Variants in PIEZO2 observed in about 807,000 individuals in gnomAD.
The protein encoded by PIEZO2 is piezo type mechanosensitive ion channel component 2, also known as piezo-type mechanosensitive ion channel component 2.
A neutral mutation model predicts 337.3 loss-of-function variants in PIEZO2; 172 were observed. The observed-to-expected ratio is 0.51, with a 90% confidence interval of 0.45 to 0.58. PIEZO2 has a LOEUF of 0.58. Ranked by LOEUF, PIEZO2 falls within the 20% of genes least tolerant of loss-of-function variation. The pLI is 0.00. For missense variants in PIEZO2, 3,028 were observed against 3,391.3 expected (o/e 0.89, Z 2.66); for synonymous variants, 1,251 against 1,228.5 (o/e 1.02, Z -0.38).
rs2037831928 is a variant in PIEZO2 at position 11,058,938 on chromosome 18, C to G, written c.160+7189G>C. On this transcript the variant is annotated intron_variant, in intron 2 of 55. Transcript: ENST00000674853. ...AAGATACTTCTCGAGAAGAGCAACT[C>G]CAAGACACATCATTGTCAGATTCAC... Among the ~76,000 whole-genome samples, 3 of 152,074 alleles carry G rather than the reference C, an allele frequency of 2.0e-5. No homozygotes were observed. In the South Asian group the frequency reaches 6.2e-4, roughly 32 times the overall value.
chr18:10,914,873 A>G (rs10502402), intron 3 of PIEZO2, among the ~76,000 whole-genome samples: 47,983 of 126,424 alleles, frequency 0.38, 6,685 homozygotes, highest in Admixed American at 0.41. Flanking sequence ...AGCAGGTCCC[A>G]ATGTCTACCA....
rs543756526 is a variant in PIEZO2, at chr18:10,816,131, T to C, written c.918-8857A>G. On this transcript the variant is annotated intron_variant, in intron 7 of 55. Transcript: ENST00000674853. The stretch of plus-strand genomic sequence containing the variant: ...CCTCGGCTCTTCACTGGGAGGAGCT[T>C]CCTTGTCAATTGTCTTTCTCAACCT... 7.2e-4 allele frequency among the ~76,000 whole-genome samples: 110 copies of C among 152,308 alleles called. 1 individual carries two copies. Among genetic ancestry groups the C allele is most frequent in the African/African-American group, 2.6e-3 (108 of 41,570 alleles).
rs1598490948 is a variant in PIEZO2 at position 10,795,430 on chromosome 18, G to T, written c.1528-428C>A. Among the ~76,000 whole-genome samples the T allele has an allele frequency of 6.8e-6, 1 of 146,946 alleles. No individual in the cohort carries two copies. Among genetic ancestry groups the T allele is most frequent in the East Asian group, 2.0e-4 (1 of 5,052 alleles). ...TTTTATTCAGCTCTATTGCTTTAAAGAAAAGACCAAACTTATCTGGCTTAG... is the reference window on the plus strand; with the variant it reads ...TTTTATTCAGCTCTATTGCTTTAAATAAAAGACCAAACTTATCTGGCTTAG... On this transcript the variant is annotated intron_variant, in intron 12 of 55. Coordinates refer to ENST00000674853, the MANE Select transcript of PIEZO2 (RefSeq NM_001378183.1). This position sits in a 1 kb window ranked among gnomAD's most constrained non-coding sequence, Gnocchi z 4.4.
intron 49 of PIEZO2, among the ~76,000 whole-genome samples, chr18:10,683,299 GC>G (rs2034359269): frequency 6.6e-6 from 1 of 152,254 alleles, no homozygotes; most frequent in African/African-American, 2.4e-5. Flanking sequence ...GACTACAGTG[GC>G]TTTTACAAGC....
At chr18:10,972,372 A>G (rs1452352035) in intron 3 of PIEZO2, among the ~76,000 whole-genome samples, 1 of 152,168 alleles carries the variant, frequency 6.6e-6, no homozygotes, top group Non-Finnish European at 1.5e-5. Context: ...TCATGGGAGC[A>G]GATGACAAGC....
chr18:10,697,961 G>A (rs951529900), intron 44 of PIEZO2, 81 bp from the exon 45 acceptor site: 2 of 1,502,186 alleles, frequency 1.3e-6, no homozygotes, highest in Non-Finnish European at 1.8e-6. Context: ...AGAACCCAGA[G>A]CCCACATGGT....
chr18:10,754,310 C>G (rs1027282350), intron 27 of PIEZO2, among the ~76,000 whole-genome samples: 4 of 152,234 alleles, frequency 2.6e-5, no homozygotes, highest in Admixed American at 2.6e-4. Flanking sequence ...GCTCTGGCCA[C>G]TTTCCAGAGA....
intron 3 of PIEZO2, among the ~76,000 whole-genome samples, chr18:10,932,739 A>G (rs1366137377): frequency 6.6e-6 from 1 of 152,064 alleles, no homozygotes; most frequent in Non-Finnish European, 1.5e-5. Context: ...CTTGGGCAAC[A>G]TAGGGAGACC....
rs1237770430 is a variant in PIEZO2, at chr18:11,104,829, G to C, written c.65-38607C>G. ...GGGACCACTCTCCTCCATCATGCTT[G>C]ATATGGTCCAGGAGTGGTTGAACCA... On this transcript the variant is annotated intron_variant, in intron 1 of 55. Coordinates refer to ENST00000674853, the MANE Select transcript of PIEZO2 (RefSeq NM_001378183.1). The surrounding 1 kb of genome is among the most constrained non-coding windows in gnomAD (Gnocchi z 4.6). Among the ~76,000 whole-genome samples, 1 of 152,158 alleles carries C rather than the reference G, an allele frequency of 6.6e-6. No individual in the cohort carries two copies. The highest frequency in any genetic ancestry group is 2.4e-5 in the African/African-American group (1 of 41,436).
chr18:10,714,641 G>A (rs1430338921), intron 39 of PIEZO2, 123 bp downstream of exon 39: 17 of 1,074,094 alleles, frequency 1.6e-5, no homozygotes, highest in Admixed American at 4.9e-5. Context: ...ACAGCTGGAA[G>A]AGGGTGGGGG....
intron 2 of PIEZO2, among the ~76,000 whole-genome samples, chr18:10,999,448 A>G (rs1280047379): frequency 2.6e-5 from 4 of 152,210 alleles, no homozygotes; most frequent in Admixed American, 1.3e-4. Flanking sequence ...TGTGCTGAAC[A>G]TTCACAGACC....
intron 4 of PIEZO2, among the ~76,000 whole-genome samples, chr18:10,889,490 A>T (rs1332783143): frequency 6.6e-6 from 1 of 152,238 alleles, no homozygotes; most frequent in African/African-American, 2.4e-5. Flanking sequence ...TATTTAGACT[A>T]TGTTTTTGGA....
chr18:10,996,656 T>A (rs1313908856), intron 2 of PIEZO2, among the ~76,000 whole-genome samples: 1 of 152,246 alleles, frequency 6.6e-6, no homozygotes, highest in Non-Finnish European at 1.5e-5. Context: ...GTAGCATGTA[T>A]CAGTACTTCA....
rs150278518 is a variant in PIEZO2, at chr18:10,861,542, T to C, written c.493-4331A>G. ...GGCATGATCTCACTTATACGTGGAATCTAAAGAAGTTGCACTGATAGAAGT... is the reference window on the plus strand; with the variant it reads ...GGCATGATCTCACTTATACGTGGAACCTAAAGAAGTTGCACTGATAGAAGT... On this transcript the variant is annotated intron_variant, in intron 5 of 55. Coordinates refer to ENST00000674853, the MANE Select transcript of PIEZO2 (RefSeq NM_001378183.1). The surrounding 1 kb of genome is among the most constrained non-coding windows in gnomAD (Gnocchi z 4.3). Among the ~76,000 whole-genome samples, 1 of 152,264 alleles carries C rather than the reference T, an allele frequency of 6.6e-6. No homozygotes were observed. The highest frequency in any genetic ancestry group is 1.9e-4 in the East Asian group (1 of 5,176).
Position 10,886,327 on chromosome 18 carries a change from T to TATATATATATATATATATACATATAC in PIEZO2, c.330-14913_330-14912insGTATATGTATATATATATATATATAT, listed in dbSNP as rs1555669468. Among the ~76,000 whole-genome samples the TATATATATATATATATATACATATAC allele has an allele frequency of 3.7e-4, 10 of 26,768 alleles. 1 individual carries two copies. The highest frequency in any genetic ancestry group is 3.1e-3 in the East Asian group (2 of 638). 17.6% of individuals were successfully genotyped at this position (26,768 alleles called of 152,430 possible). ...TGGTACCAAACCCTATACATACATATATATATATATATATATACACACACA... is the reference window on the plus strand; with the variant it reads ...TGGTACCAAACCCTATACATACATATATATATATATATATATATACATATACATATATATATATATATACACACACA... On this transcript the variant is annotated intron_variant, in intron 4 of 55. Transcript: ENST00000674853.
chr18:10,913,274 CA>C (rs1448975264), intron 3 of PIEZO2, among the ~76,000 whole-genome samples: 1 of 152,014 alleles, frequency 6.6e-6, no homozygotes, highest in African/African-American at 2.4e-5. Flanking sequence ...CTGTGGAAGC[CA>C]CAGTGTGTTC....
chr18:11,018,314 C>G (rs1055137506), intron 2 of PIEZO2, among the ~76,000 whole-genome samples: 2 of 148,340 alleles, frequency 1.3e-5, no homozygotes, highest in Non-Finnish European at 3.0e-5. Flanking sequence ...CTTGATTGCA[C>G]CTGCAAAGAC....
At chr18:10,884,703 C>A (rs2042523248) in intron 4 of PIEZO2, among the ~76,000 whole-genome samples, 1 of 152,142 alleles carries the variant, frequency 6.6e-6, no homozygotes, top group Non-Finnish European at 1.5e-5. Flanking sequence ...GTCCCCCCTG[C>A]TGGAATTAGT....
intron 34 of PIEZO2, among the ~76,000 whole-genome samples, chr18:10,736,211 A>C (rs978195607): frequency 6.6e-6 from 1 of 152,258 alleles, no homozygotes; most frequent in African/African-American, 2.4e-5. Flanking sequence ...CAACAAAGCA[A>C]GGATTTTGTT....
Sources: gnomAD v4.1 joint callset for allele counts (sites outside exome capture counted in the v4.1 genomes callset) on GRCh38, gnomAD v4.1.1 for gene constraint, Gnocchi (gnomAD v3.1) non-coding constraint, MANE v1.5 for transcripts, NCBI Gene and HGNC (gene_info 2026-07-23, HGNC 2026-07-21) for gene names.